Variants in SH3RF3 observed in about 807,000 individuals in gnomAD.
SH3RF3 encodes E3 ubiquitin-protein ligase SH3RF3.
A neutral mutation model predicts 66.3 loss-of-function variants in SH3RF3; 29 were observed. That is an observed-to-expected ratio of 0.44 (90% CI 0.33 to 0.60). SH3RF3 has a LOEUF of 0.60. Ranked by LOEUF, SH3RF3 falls within the 20% of genes least tolerant of loss-of-function variation. SH3RF3 has a pLI of 0.04. For synonymous variants in SH3RF3, 583 were observed against 532.0 expected, an observed-to-expected ratio of 1.10 and a Z score of -1.32; for missense variants, 1,194 against 1,190.9, an observed-to-expected ratio of 1.00 and a Z score of -0.04.
chr2:109,139,569 T>A (rs1342550059), intron 1 of SH3RF3, among the ~76,000 whole-genome samples: 1 of 152,172 alleles, frequency 6.6e-6, no homozygotes, highest in Admixed American at 6.5e-5. Context: ...AAAATTAATT[T>A]AAAAATGTGT....
chr2:109,219,617 A>G (rs1679180129), intron 1 of SH3RF3, among the ~76,000 whole-genome samples: 2 of 152,254 alleles, frequency 1.3e-5, no homozygotes, highest in South Asian at 4.1e-4. Context: ...AAAATATAAA[A>G]TTAAAGCTCA....
chr2:109,229,343 C>G (rs577679679), intron 1 of SH3RF3, among the ~76,000 whole-genome samples: 2 of 152,354 alleles, frequency 1.3e-5, no homozygotes, highest in African/African-American at 4.8e-5. Context: ...TGGTACTTTT[C>G]ATACATTAAC....
At chr2:109,243,637 G>A (rs1488139533) in intron 1 of SH3RF3, among the ~76,000 whole-genome samples, 1 of 152,134 alleles carries the variant, frequency 6.6e-6, no homozygotes, top group South Asian at 2.1e-4. Flanking sequence ...TCTAAACTGA[G>A]AGCTGAAGAT....
intron 1 of SH3RF3, among the ~76,000 whole-genome samples, chr2:109,131,352 AT>A (rs1217005031): frequency 6.6e-6 from 1 of 152,096 alleles, no homozygotes; most frequent in Non-Finnish European, 1.5e-5. Flanking sequence ...TTTGGTTTTA[AT>A]TGTGATTAAA....
chr2:109,264,409 C>T (rs1164386700), intron 1 of SH3RF3, among the ~76,000 whole-genome samples: 1 of 152,150 alleles, frequency 6.6e-6, no homozygotes, highest in Non-Finnish European at 1.5e-5. Flanking sequence ...TGTGGGTGCC[C>T]CCCATCCACC....
At chr2:109,215,182 T>C (rs747725084) in intron 1 of SH3RF3, among the ~76,000 whole-genome samples, 2 of 152,210 alleles carry the variant, frequency 1.3e-5, no homozygotes, top group Non-Finnish European at 2.9e-5. Context: ...TGCTCAATTA[T>C]GGAATAAGAA....
At chr2:109,298,707 C>A (rs1475953111) in intron 1 of SH3RF3, among the ~76,000 whole-genome samples, 2 of 152,146 alleles carry the variant, frequency 1.3e-5, no homozygotes, top group Non-Finnish European at 2.9e-5. Flanking sequence ...TCCGTTTCCC[C>A]ACACTGACAT....
At chr2:109,243,518 A>G (rs1052439888) in intron 1 of SH3RF3, among the ~76,000 whole-genome samples, 53 of 152,302 alleles carry the variant, frequency 3.5e-4, no homozygotes, top group South Asian at 1.9e-3. Context: ...AAAAAGTCAG[A>G]TGGGGCAGGT....
In SH3RF3 at chr2:109,419,571, G is replaced by C; in HGVS notation, c.1332G>C (p.Thr444=). Residue 444 remains threonine, a synonymous_variant, in exon 5 of 10, where the codon ACG becomes ACC. Transcript: ENST00000309415. ...CCTCCTCGGCGGGATCTACCCCCAC[G>C]GCTGTCCCACGGGCTGCCTCGGTGT... ...DVSSSAGSTP[T]AVPRAASVSG... is the part of the protein sequence containing the mutation. The C allele has an allele frequency of 1.3e-6, 2 of 1,598,854 alleles. No homozygotes were observed. Among genetic ancestry groups the C allele is most frequent in the Non-Finnish European group, 8.5e-7 (1 of 1,173,678 alleles).
At chr2:109,209,148 C>T (rs1388689344) in intron 1 of SH3RF3, among the ~76,000 whole-genome samples, 1 of 152,324 alleles carries the variant, frequency 6.6e-6, no homozygotes, top group Non-Finnish European at 1.5e-5. Flanking sequence ...GGTCCAAACC[C>T]TCTGTGCTGT....
At chr2:109,469,734 C>T (rs1678453436) in intron 8 of SH3RF3, among the ~76,000 whole-genome samples, 3 of 152,150 alleles carry the variant, frequency 2.0e-5, no homozygotes, top group Admixed American at 2.0e-4. Flanking sequence ...AAAGCTTAAC[C>T]ATTATGTTTT....
intron 1 of SH3RF3, among the ~76,000 whole-genome samples, chr2:109,147,536 A>G (rs1226146616): frequency 6.6e-6 from 1 of 152,236 alleles, no homozygotes; most frequent in Non-Finnish European, 1.5e-5. Context: ...ACTAAATGGA[A>G]TGCTAAACAT....
intron 1 of SH3RF3, among the ~76,000 whole-genome samples, chr2:109,135,260 C>T (rs909148112): frequency 6.6e-6 from 1 of 152,176 alleles, no homozygotes; most frequent in Non-Finnish European, 1.5e-5. Flanking sequence ...GTCTGAAGCC[C>T]ACACACAGGA....
At chr2:109,263,146 G>A (rs1271087692) in intron 1 of SH3RF3, among the ~76,000 whole-genome samples, 2 of 152,066 alleles carry the variant, frequency 1.3e-5, no homozygotes, top group South Asian at 2.1e-4. Context: ...ACGCCCAGCC[G>A]CAATCACTTT....
rs1023968540 is a variant in SH3RF3, at chr2:109,414,083, G to A, written c.1300-5456G>A. Reference sequence around the variant, plus strand: ...TCCCCTGGGCTATGGGTCTCCTTCTGTTTATTGGGCTGCCCCATCTTGGCC... The same window carrying A: ...TCCCCTGGGCTATGGGTCTCCTTCTATTTATTGGGCTGCCCCATCTTGGCC... On this transcript the variant is annotated intron_variant, in intron 4 of 9. Transcript: ENST00000309415. Among the ~76,000 whole-genome samples, 7 of 152,294 alleles carry A rather than the reference G, an allele frequency of 4.6e-5. No individual in the cohort carries two copies. In the East Asian group the frequency reaches 1.4e-3, roughly 29 times the overall value.
At chr2:109,408,184 G>C (rs978075383) in intron 4 of SH3RF3, among the ~76,000 whole-genome samples, 9 of 152,150 alleles carry the variant, frequency 5.9e-5, no homozygotes, top group Non-Finnish European at 1.0e-4. Flanking sequence ...ATGCCCACCG[G>C]TAGGCCCCAT....
chr2:109,426,410 A>G (rs1677029334), intron 5 of SH3RF3, among the ~76,000 whole-genome samples: 1 of 152,174 alleles, frequency 6.6e-6, no homozygotes, highest in Admixed American at 6.5e-5. Context: ...GATGACTTTG[A>G]GTGGTTGGTT....
At chr2:109,317,877 C>A (rs150211124) in intron 1 of SH3RF3, among the ~76,000 whole-genome samples, 129 of 148,948 alleles carry the variant, frequency 8.7e-4, no homozygotes, top group African/African-American at 2.8e-3. Context: ...GGAGTCCCAG[C>A]CAAGAGGAAA....
chr2:109,462,874 A>G (rs1393011457), intron 8 of SH3RF3, among the ~76,000 whole-genome samples: 2 of 152,190 alleles, frequency 1.3e-5, no homozygotes, highest in Non-Finnish European at 2.9e-5. Flanking sequence ...GGCAGACCAT[A>G]GTGACATTTG....
Sources: gnomAD v4.1 joint callset for allele counts (sites outside exome capture counted in the v4.1 genomes callset) on GRCh38, gnomAD v4.1.1 for gene constraint, MANE v1.5 for transcripts, NCBI Gene and HGNC (gene_info 2026-07-23, HGNC 2026-07-21) for gene names.